Variants in LRRFIP1 observed in about 807,000 individuals in gnomAD.
The protein encoded by LRRFIP1 is LRR binding FLII interacting protein 1.
In LRRFIP1, 62 loss-of-function variants were observed where a neutral mutation model predicts 104.4. The observed-to-expected ratio is 0.59, with a 90% CI of 0.48 to 0.73. LRRFIP1 has a LOEUF of 0.73. Among genes scored for constraint, LRRFIP1 ranks in the 30% least tolerant of loss-of-function variants. The probability of loss-of-function intolerance (pLI) is 0.00; values close to 1 mark genes in which losing one functional copy is unlikely to be tolerated. For missense variants in LRRFIP1, 796 were observed against 824.5 expected (o/e 0.97, Z 0.42); for synonymous variants, 300 against 299.0 (o/e 1.00, Z -0.03).
rs372069202 is a variant in LRRFIP1 at position 237,748,409 on chromosome 2, C to T, written c.669+10C>T. ...AGATTTTACTGAGAAGGTAAGGAAT[C>T]GTTCATAAACCTAGAGGGTCCCAAA... On this transcript the variant is annotated intron_variant, in intron 12 of 23. Coordinates refer to ENST00000308482, the MANE Select transcript of LRRFIP1 (RefSeq NM_001137550.2). 6.9e-6 allele frequency: 11 copies of T among 1,598,034 alleles called. No individual in the cohort carries two copies. In the South Asian group the frequency reaches 1.1e-4, roughly 16 times the overall value.
intron 1 of LRRFIP1, among the ~76,000 whole-genome samples, chr2:237,696,800 G>A (rs969859248): frequency 1.3e-5 from 2 of 152,212 alleles, no homozygotes; most frequent in Admixed American, 6.5e-5. Flanking sequence ...TGGCTGCCAC[G>A]GCTGCTGCTG....
intron 1 of LRRFIP1, among the ~76,000 whole-genome samples, chr2:237,664,952 A>G (rs1394988047): frequency 6.6e-6 from 1 of 152,198 alleles, no homozygotes; most frequent in Non-Finnish European, 1.5e-5. Context: ...ATAAAACTCA[A>G]TGTAGGGTTT....
intron 11 of LRRFIP1, among the ~76,000 whole-genome samples, chr2:237,739,839 G>A (rs1038315148): frequency 2.6e-5 from 4 of 152,122 alleles, no homozygotes; most frequent in African/African-American, 9.7e-5. Flanking sequence ...TCATTATTGT[G>A]TGTTTTCCCC....
chr2:237,749,275 G>A lies in LRRFIP1; in HGVS notation c.746G>A (p.Gly249Glu). 6.2e-7 allele frequency: 1 copy of A among 1,613,890 alleles called. No homozygotes were observed. The highest frequency in any genetic ancestry group is 8.5e-7 in the Non-Finnish European group (1 of 1,180,008). The change falls in exon 13 of 24, where the codon GGA becomes GAA. Residue 249 changes from glycine to glutamate, a missense_variant. Physicochemically the swap from Gly to Glu is moderately conservative, Grantham distance 98. Transcript: ENST00000308482. ...GGGACTTCCTCTCGGAGAGGCAGCG[G>A]AGACACCTCCATCTCCATCGACACC... The part of the protein sequence containing the change: ...LGGTSSRRGS[G>E]DTSISIDTEA...
In LRRFIP1 at chr2:237,758,801, A is replaced by T. The variant is rs779685631; in HGVS notation, c.1297A>T (p.Met433Leu). The change falls in exon 18 of 24, where the codon ATG (methionine) becomes TTG (leucine). Residue 433 changes from methionine to leucine, a missense_variant. Transcript: ENST00000308482. ...ERDDLREEVVMLKEELKKHGI... is the reference protein window; with the variant it reads ...ERDDLREEVVLLKEELKKHGI... ...GGATGATCTTAGAGAAGAAGTAGTCATGCTGAAAGAGGAATTAAAGGTATG... is the reference window on the plus strand; with the variant it reads ...GGATGATCTTAGAGAAGAAGTAGTCTTGCTGAAAGAGGAATTAAAGGTATG... The T allele has an allele frequency of 2.5e-6, 4 of 1,612,398 alleles. No individual in the cohort carries two copies. The East Asian group carries it at 8.9e-5, about 36-fold the overall frequency.
At position 237,691,694 on chromosome 2, in the gene LRRFIP1, C is replaced by G. The variant is rs3754727; in HGVS notation, c.97-16850C>G. The stretch of plus-strand genomic sequence containing the variant: ...CGCCCAGCCCCGGGCAGGTCCCCCC[C>G]CGGAGGGGACCCCCTCTTCGGGTCG... On this transcript the variant is annotated intron_variant, in intron 1 of 23. Coordinates refer to ENST00000308482, the MANE Select transcript of LRRFIP1 (RefSeq NM_001137550.2). This position sits in a 1 kb window ranked among gnomAD's most constrained non-coding sequence, Gnocchi z 5.4. Among the ~76,000 whole-genome samples the G allele has an allele frequency of 5.0e-3, 765 of 152,270 alleles. 3 individuals are homozygous for G. The highest frequency in any genetic ancestry group is 0.014 in the African/African-American group (570 of 41,562).
At chr2:237,718,581 C>A (rs1238374883) in intron 4 of LRRFIP1, among the ~76,000 whole-genome samples, 2 of 152,198 alleles carry the variant, frequency 1.3e-5, no homozygotes, top group Non-Finnish European at 2.9e-5. Context: ...GTTAGTTCCT[C>A]TACCCGAGTC....
chr2:237,692,233 C>A (rs147121136), intron 1 of LRRFIP1: 2 of 1,110,608 alleles, frequency 1.8e-6, no homozygotes, highest in Non-Finnish European at 2.2e-6. Context: ...CGACTCAGCC[C>A]GCGGCCACCT....
At chr2:237,668,677 C>A (rs2089893012) in intron 1 of LRRFIP1, among the ~76,000 whole-genome samples, 2 of 151,506 alleles carry the variant, frequency 1.3e-5, no homozygotes, top group African/African-American at 4.8e-5. Context: ...GGGGTAGGAA[C>A]ATTCACACTA....
Position 237,749,187 on chromosome 2 carries a change from T to G in LRRFIP1, c.670-12T>G. 1.9e-6 allele frequency: 3 copies of G among 1,611,882 alleles called. No individual in the cohort carries two copies. The highest frequency in any genetic ancestry group is 2.5e-6 in the Non-Finnish European group (3 of 1,179,586). ...TAAACCATATCAGCATGTGATCCTC[T>G]CAACGTTCCAGGGGTCTCGTAACAT... On this transcript the variant is annotated splice_polypyrimidine_tract_variant and intron_variant, in intron 12 of 23. Coordinates refer to ENST00000308482, the MANE Select transcript of LRRFIP1 (RefSeq NM_001137550.2).
intron 1 of LRRFIP1, among the ~76,000 whole-genome samples, chr2:237,675,497 T>C (rs2091015707): frequency 6.6e-6 from 1 of 152,232 alleles, no homozygotes; most frequent in Non-Finnish European, 1.5e-5. Flanking sequence ...GGATCCACTA[T>C]ACCAAAAAAC....
chr2:237,669,631 C>T (rs563193973), intron 1 of LRRFIP1, among the ~76,000 whole-genome samples: 11 of 152,074 alleles, frequency 7.2e-5, no homozygotes, highest in Non-Finnish European at 1.3e-4. Context: ...AGTTTCCTGC[C>T]GGGCTTTCTC....
intron 19 of LRRFIP1, among the ~76,000 whole-genome samples, chr2:237,760,555 A>T (rs1364105081): frequency 6.6e-6 from 1 of 152,264 alleles, no homozygotes; most frequent in Non-Finnish European, 1.5e-5. Context: ...ATCTGTACCT[A>T]TAAAGTGTGG....
chr2:237,665,094 A>T (rs970511355), intron 1 of LRRFIP1, among the ~76,000 whole-genome samples: 9 of 152,252 alleles, frequency 5.9e-5, no homozygotes, highest in African/African-American at 1.4e-4. Context: ...AAGCATTTAA[A>T]TAAGCTTCTT....
chr2:237,720,408 C>T (rs893631190), intron 5 of LRRFIP1, among the ~76,000 whole-genome samples: 6 of 151,796 alleles, frequency 4.0e-5, no homozygotes, highest in African/African-American at 1.5e-4. Context: ...CCATGACACC[C>T]GGCTAATTTT....
intron 19 of LRRFIP1, chr2:237,762,897 G>C (rs1479870586): frequency 1.2e-6 from 2 of 1,614,052 alleles, no homozygotes; most frequent in Non-Finnish European, 1.7e-6. Flanking sequence ...GAGGTCATGG[G>C]TGCACCAGAT....
intron 23 of LRRFIP1, among the ~76,000 whole-genome samples, chr2:237,774,713 C>G (rs2060934393): frequency 6.6e-6 from 1 of 152,244 alleles, no homozygotes; most frequent in African/African-American, 2.4e-5. Flanking sequence ...TAGGTCTTGT[C>G]CGTAAACGTC....
chr2:237,652,433 A>T (rs1021134139), intron 1 of LRRFIP1, among the ~76,000 whole-genome samples: 2 of 152,314 alleles, frequency 1.3e-5, no homozygotes, highest in Non-Finnish European at 2.9e-5. Context: ...GTGAGATGAG[A>T]AGTGCCAAAT....
In LRRFIP1 at chr2:237,735,318, C is replaced by A; in HGVS notation, c.540C>A (p.Thr180=). 6.2e-7 allele frequency: 1 copy of A among 1,613,370 alleles called. No homozygotes were observed. Residue 180 remains threonine, a synonymous_variant, in exon 10 of 24, where the codon ACC becomes ACA. Transcript: ENST00000308482. The surrounding 1 kb of genome is among the most constrained non-coding windows in gnomAD (Gnocchi z 4.6). ...GSFGGTRRGS[T]SGSRAPSEYS... ...TCGGTGGGACCCGACGGGGCAGCACCTCCGGCTCCCGTGCTGTAAGGCGCT... is the reference window on the plus strand; with the variant it reads ...TCGGTGGGACCCGACGGGGCAGCACATCCGGCTCCCGTGCTGTAAGGCGCT...
Sources: allele counts gnomAD v4.1 joint callset (sites outside exome capture counted in the v4.1 genomes callset), GRCh38; gene constraint gnomAD v4.1.1; non-coding constraint Gnocchi (gnomAD v3.1); transcripts MANE v1.5; gene names NCBI Gene and HGNC (gene_info 2026-07-23, HGNC 2026-07-21).